TACC1: variants seen among roughly 807,000 people sequenced by gnomAD.
The protein encoded by TACC1 is transforming acidic coiled-coil-containing protein 1.
Under a neutral mutation model 84.4 loss-of-function variants are expected in TACC1, and 48 were observed. That is an observed-to-expected ratio of 0.57 (90% CI 0.45 to 0.72). The LOEUF (loss-of-function observed/expected upper bound fraction) is 0.72. Ranked by LOEUF, TACC1 falls within the 30% of genes least tolerant of loss-of-function variation. The pLI, the probability that TACC1 is intolerant of heterozygous loss-of-function variation, is 0.00. For synonymous variants in TACC1, 372 were observed against 376.3 expected (o/e 0.99, Z 0.13); for missense variants, 920 against 973.0 (o/e 0.95, Z 0.72).
chr8:38,836,437 T>G, intron 7 of TACC1, 150 bp downstream of exon 7: 2 of 1,032,446 alleles, frequency 1.9e-6, no homozygotes, highest in Non-Finnish European at 1.4e-6. Flanking sequence ...AAGGGCCCCC[T>G]GTGGCAGTGG....
chr8:38,851,593 T>A lies in TACC1; in HGVS notation c.*3570T>A. 1 of 196,788 alleles carries A rather than the reference T, an allele frequency of 5.1e-6. No homozygotes were observed. Among genetic ancestry groups the A allele is most frequent in the Non-Finnish European group, 1.1e-5 (1 of 92,818 alleles). The allele number at this position is 196,788 out of a possible 1,614,324, so 12.2% of individuals were successfully genotyped here. ...CTGAAGCCCCCTTTTAACTTCCTCT[T>A]GGTTTTTCATTATAATTGGTAGCCA... is the stretch of plus-strand genomic sequence containing the variant. On this transcript the variant is annotated 3_prime_UTR_variant, in exon 13 of 13. Coordinates refer to ENST00000317827, the MANE Select transcript of TACC1 (RefSeq NM_006283.3).
At chr8:38,749,696 A>T (rs892300393) in intron 3 of TACC1, among the ~76,000 whole-genome samples, 6 of 152,008 alleles carry the variant, frequency 3.9e-5, no homozygotes, top group Non-Finnish European at 8.8e-5. Context: ...GGTTCAAGCG[A>T]TTCTCCTGCC....
chr8:38,787,322 T>A lies in TACC1; in HGVS notation c.-261T>A, dbSNP rs962256277. The A allele has an allele frequency of 6.4e-6, 8 of 1,245,440 alleles. No individual in the cohort carries two copies. In the African/African-American group the frequency reaches 1.3e-4, roughly 20 times the overall value. The allele number at this position is 1,245,440 out of a possible 1,614,324, so 77.1% of individuals were successfully genotyped here. A position where few individuals can be genotyped will look rare whatever the true frequency, so the allele number is the denominator to read the frequency against. On this transcript the variant is annotated 5_prime_UTR_variant, in exon 1 of 13. Transcript: ENST00000317827. ...GCCTGAGGAGGCCACAGGACGGGCG[T>A]CTTCCCGGCTAGTGGAGCCCGGCGC...
chr8:38,823,828 T>C (rs1827421447), intron 3 of TACC1, among the ~76,000 whole-genome samples: 1 of 152,242 alleles, frequency 6.6e-6, no homozygotes, highest in East Asian at 1.9e-4. Flanking sequence ...TCACTGGTGA[T>C]AACATTCATG....
intron 3 of TACC1, among the ~76,000 whole-genome samples, chr8:38,778,074 T>A (rs1013607982): frequency 2.6e-5 from 4 of 152,184 alleles, no homozygotes; most frequent in Non-Finnish European, 5.9e-5. Context: ...AGACACACAA[T>A]GTTAAAGAAG....
rs34962713 is a variant in TACC1 at position 38,781,384 on chromosome 8, C to CT, written c.27-7305dup. Among the ~76,000 whole-genome samples the CT allele has an allele frequency of 6.1e-3, 861 of 142,076 alleles. 4 individuals carry two copies. Among genetic ancestry groups the CT allele is most frequent in the South Asian group, 0.024 (106 of 4,406 alleles). 93.2% of individuals were successfully genotyped at this position (142,076 alleles called of 152,430 possible). A position where few individuals can be genotyped will look rare whatever the true frequency, so the allele number is the denominator to read the frequency against. Reference sequence around the variant, plus strand: ...TGGCTGTAGGAGAAGAAATATTCTTCTTTTTTTTTTTTTTTGAGGCGGAGA... The same window carrying CT: ...TGGCTGTAGGAGAAGAAATATTCTTCTTTTTTTTTTTTTTTTGAGGCGGAGA... On this transcript the variant is annotated intron_variant, in intron 3 of 14. Transcript: ENST00000518415.
chr8:38,809,426 C>G (rs2152117528), intron 2 of TACC1, among the ~76,000 whole-genome samples: 1 of 152,238 alleles, frequency 6.6e-6, no homozygotes, highest in Non-Finnish European at 1.5e-5. Flanking sequence ...AGATGTGCTC[C>G]TTTTTCTTTC....
At chr8:38,809,064 A>C (rs1350457368) in intron 2 of TACC1, among the ~76,000 whole-genome samples, 1 of 151,954 alleles carries the variant, frequency 6.6e-6, no homozygotes, top group Non-Finnish European at 1.5e-5. Context: ...TTTTCAGTGG[A>C]GTTCCTTCAG....
intron 11 of TACC1, among the ~76,000 whole-genome samples, chr8:38,844,426 A>C (rs1326192127): frequency 6.6e-6 from 1 of 152,086 alleles, no homozygotes; most frequent in Non-Finnish European, 1.5e-5. Context: ...CGCCCGCCTC[A>C]GCTTCCCAAA....
At chr8:38,842,928 C>T (rs1831534719) in intron 10 of TACC1, among the ~76,000 whole-genome samples, 1 of 152,096 alleles carries the variant, frequency 6.6e-6, no homozygotes, top group Non-Finnish European at 1.5e-5. Flanking sequence ...ACCATATCAA[C>T]CAGACACAAT....
At chr8:38,836,038 C>T in intron 6 of TACC1, 124 bp from the exon 7 acceptor site, 1 of 1,343,550 alleles carries the variant, frequency 7.4e-7, no homozygotes, top group South Asian at 1.4e-5. Context: ...CTTCCCCCCG[C>T]TGACTTTTCT....
intron 3 of TACC1, among the ~76,000 whole-genome samples, chr8:38,761,069 T>G (rs1811121197): frequency 6.6e-6 from 1 of 152,226 alleles, no homozygotes; most frequent in African/African-American, 2.4e-5. Context: ...AGTTAATTTT[T>G]TCCTCATTTT....
At chr8:38,834,989 C>T (rs1013269357) in intron 6 of TACC1, among the ~76,000 whole-genome samples, 10 of 152,164 alleles carry the variant, frequency 6.6e-5, no homozygotes, top group Admixed American at 3.9e-4. Context: ...CGCGGTGGCT[C>T]ACGCCTGTAA....
chr8:38,830,459 G>C (rs1262590268), intron 5 of TACC1, among the ~76,000 whole-genome samples: 1 of 152,146 alleles, frequency 6.6e-6, no homozygotes, highest in Non-Finnish European at 1.5e-5. Flanking sequence ...ATTTTTAGTA[G>C]ATGAGGCTTC....
intron 3 of TACC1, among the ~76,000 whole-genome samples, chr8:38,763,886 T>C (rs1563324369): frequency 6.6e-6 from 1 of 152,236 alleles, no homozygotes; most frequent in Non-Finnish European, 1.5e-5. Context: ...TAAACATCCT[T>C]GTAATTCTTT....
rs565025383 is a variant in TACC1, at chr8:38,840,510, C to A, written c.1960+243C>A. On this transcript the variant is annotated intron_variant, in intron 9 of 12. Coordinates refer to ENST00000317827, the MANE Select transcript of TACC1 (RefSeq NM_006283.3). ...ATAAGGACACTAATCCTGACATAAT[C>A]ACCTCCCAAATTCCCTTCCATGCCC... 70 of 330,702 alleles carry A rather than the reference C, an allele frequency of 2.1e-4. 1 individual carries two copies. The highest frequency in any genetic ancestry group is 3.4e-4 in the Non-Finnish European group (60 of 178,170). 20.5% of individuals were successfully genotyped at this position (330,702 alleles called of 1,614,324 possible). A position where few individuals can be genotyped will look rare whatever the true frequency, so the allele number is the denominator to read the frequency against.
At chr8:38,801,016 CT>C (rs34856847) in intron 2 of TACC1, among the ~76,000 whole-genome samples, 2 of 152,182 alleles carry the variant, frequency 1.3e-5, no homozygotes, top group Non-Finnish European at 2.9e-5. Flanking sequence ...TATTGAGCAA[CT>C]TTTCATGTAG....
At chr8:38,838,579 A>G (rs779472371) in intron 8 of TACC1, 33 bp downstream of exon 8, 2 of 1,498,622 alleles carry the variant, frequency 1.3e-6, no homozygotes, top group South Asian at 1.1e-5. Context: ...GGGGCTGGAT[A>G]CTTTTATGCA....
At chr8:38,735,685 G>C (rs1805831221) in intron 1 of TACC1, among the ~76,000 whole-genome samples, 1 of 152,152 alleles carries the variant, frequency 6.6e-6, no homozygotes, top group Non-Finnish European at 1.5e-5. Context: ...CCTGGGCTAC[G>C]CTGCTGTCTC....
Sources: gnomAD v4.1 joint callset for allele counts (sites outside exome capture counted in the v4.1 genomes callset) on GRCh38, gnomAD v4.1.1 for gene constraint, MANE v1.5 for transcripts, NCBI Gene and HGNC (gene_info 2026-07-23, HGNC 2026-07-21) for gene names.